Variants in RBFOX1 observed in about 807,000 individuals in gnomAD.
RBFOX1 encodes the protein RNA binding fox-1 homolog 1.
Under a neutral mutation model 57.7 loss-of-function variants are expected in RBFOX1, and 8 were observed. The ratio of observed to expected loss-of-function variants is 0.14; its 90% CI spans 0.08 to 0.25. The LOEUF (loss-of-function observed/expected upper bound fraction) is 0.25. RBFOX1 is among the 10% of genes least tolerant of loss of function. The pLI, the probability that RBFOX1 is intolerant of heterozygous loss-of-function variation, is 1.00. For synonymous variants in RBFOX1, 326 were observed against 222.4 expected, an observed-to-expected ratio of 1.47 and a Z score of -4.15; for missense variants, 611 against 548.5, an observed-to-expected ratio of 1.11 and a Z score of -1.14.
intron 4 of RBFOX1, among the ~76,000 whole-genome samples, chr16:5,996,508 G>A (rs1040389007): frequency 4.6e-5 from 7 of 151,708 alleles, no homozygotes; most frequent in Admixed American, 3.9e-4. Flanking sequence ...GATTAGTGGA[G>A]GTCCTAGGAG....
At chr16:6,810,567 T>C (rs996582141) in intron 3 of RBFOX1, among the ~76,000 whole-genome samples, 9 of 152,138 alleles carry the variant, frequency 5.9e-5, no homozygotes, top group Admixed American at 2.0e-4. Flanking sequence ...AGTTATAGGT[T>C]TGTATTATGA....
chr16:6,377,937 C>T (rs1351337785), intron 2 of RBFOX1, among the ~76,000 whole-genome samples: 2 of 152,162 alleles, frequency 1.3e-5, no homozygotes, highest in African/African-American at 4.8e-5. Flanking sequence ...AAGATGATTC[C>T]TGATCCCAGG....
At chr16:6,844,245 T>A (rs1689909090) in intron 3 of RBFOX1, among the ~76,000 whole-genome samples, 1 of 152,098 alleles carries the variant, frequency 6.6e-6, no homozygotes, top group Non-Finnish European at 1.5e-5. Context: ...ATGTACAGAT[T>A]TGTTACATAG....
chr16:6,606,236 G>C (rs529657792), intron 2 of RBFOX1, among the ~76,000 whole-genome samples: 2 of 152,156 alleles, frequency 1.3e-5, no homozygotes, highest in African/African-American at 4.8e-5. Context: ...ATCCTGTGAA[G>C]TACTACTGCC....
intron 2 of RBFOX1, among the ~76,000 whole-genome samples, chr16:5,505,701 C>A (rs1246400505): frequency 6.6e-6 from 1 of 152,144 alleles, no homozygotes; most frequent in Non-Finnish European, 1.5e-5. Context: ...ACAAAAGATA[C>A]CATCTTACAT....
intron 1 of RBFOX1, among the ~76,000 whole-genome samples, chr16:5,314,802 C>T (rs2064187504): frequency 6.9e-6 from 1 of 145,160 alleles, no homozygotes; most frequent in African/African-American, 2.5e-5. Flanking sequence ...CACCTGGCCT[C>T]ATTTCTTTTA....
chr16:7,329,435 G>C (rs746041452), intron 4 of RBFOX1, among the ~76,000 whole-genome samples: 1 of 152,154 alleles, frequency 6.6e-6, no homozygotes, highest in African/African-American at 2.4e-5. Context: ...AAAGACACAC[G>C]ACATAGTGTC....
At chr16:6,239,708 A>G (rs2097530103) in intron 1 of RBFOX1, among the ~76,000 whole-genome samples, 1 of 152,028 alleles carries the variant, frequency 6.6e-6, no homozygotes, top group Non-Finnish European at 1.5e-5. Flanking sequence ...CATGTTGACC[A>G]GGCTGGTCTT....
intron 4 of RBFOX1, among the ~76,000 whole-genome samples, chr16:5,904,326 C>T (rs2058388036): frequency 6.6e-6 from 1 of 152,040 alleles, no homozygotes; most frequent in African/African-American, 2.4e-5. Context: ...ACAAAGCTTC[C>T]CCTCGACTTT....
At chr16:6,157,006 C>T (rs974679856) in intron 1 of RBFOX1, among the ~76,000 whole-genome samples, 2 of 151,760 alleles carry the variant, frequency 1.3e-5, no homozygotes, top group Non-Finnish European at 2.9e-5. Flanking sequence ...AATTGTTTTT[C>T]GCATTTTTTT....
chr16:6,996,768 G>A (rs984672506), intron 3 of RBFOX1, among the ~76,000 whole-genome samples: 3 of 152,114 alleles, frequency 2.0e-5, no homozygotes. Flanking sequence ...ATGTCAGATA[G>A]AGGGATTTAA....
intron 2 of RBFOX1, among the ~76,000 whole-genome samples, chr16:6,643,490 CT>C (rs1312015999): frequency 1.3e-5 from 2 of 152,112 alleles, no homozygotes; most frequent in Non-Finnish European, 2.9e-5. Context: ...AAGAATTCTG[CT>C]GAAAGGCAAG....
chr16:5,988,089 T>C (rs928451146), intron 4 of RBFOX1, among the ~76,000 whole-genome samples: 1 of 152,208 alleles, frequency 6.6e-6, no homozygotes, highest in Non-Finnish European at 1.5e-5. Flanking sequence ...CCCGACATCA[T>C]GGCAGAAAAT....
chr16:7,697,813 C>T (rs1291331236), intron 14 of RBFOX1, among the ~76,000 whole-genome samples: 1 of 152,176 alleles, frequency 6.6e-6, no homozygotes, highest in African/African-American at 2.4e-5. Context: ...TCCTATGAAA[C>T]TAGTATTTTG....
chr16:7,333,866 G>A (rs1362821550), intron 4 of RBFOX1, among the ~76,000 whole-genome samples: 2 of 152,016 alleles, frequency 1.3e-5, no homozygotes, highest in Non-Finnish European at 2.9e-5. Context: ...ATCTACTAGC[G>A]ATAGAACCCA....
At chr16:5,252,196 G>T (rs1356430972) in intron 1 of RBFOX1, among the ~76,000 whole-genome samples, 1 of 152,204 alleles carries the variant, frequency 6.6e-6, no homozygotes, top group Admixed American at 6.5e-5. Context: ...ACTCTCTAAG[G>T]CATATGGGTT....
chr16:7,131,756 G>T (rs1443740464), intron 4 of RBFOX1, among the ~76,000 whole-genome samples: 1 of 152,022 alleles, frequency 6.6e-6, no homozygotes, highest in Non-Finnish European at 1.5e-5. Context: ...GGCCACTCAG[G>T]TTCTCTGAAG....
rs550350823 is a variant in RBFOX1 at position 6,393,258 on chromosome 16, T to C, written c.-64+76201T>C. ...TTAAATGACTCTGAGCATCCAGTCA[T>C]TAGGGTTTTAAGAAACTCAATCACA... On this transcript the variant is annotated intron_variant, in intron 2 of 15. Coordinates refer to ENST00000550418, the MANE Select transcript of RBFOX1 (RefSeq NM_018723.4). Among the ~76,000 whole-genome samples, 11 of 152,322 alleles carry C rather than the reference T, an allele frequency of 7.2e-5. No individual in the cohort carries two copies. In the East Asian group the frequency reaches 2.1e-3, roughly 29 times the overall value.
chr16:6,385,252 T>C (rs2092168931), intron 2 of RBFOX1, among the ~76,000 whole-genome samples: 1 of 152,254 alleles, frequency 6.6e-6, no homozygotes, highest in South Asian at 2.1e-4. Context: ...GTATGCATAG[T>C]TAAGGACGTA....
Sources: allele counts gnomAD v4.1 joint callset (sites outside exome capture counted in the v4.1 genomes callset), GRCh38; gene constraint gnomAD v4.1.1; transcripts MANE v1.5; gene names NCBI Gene and HGNC (gene_info 2026-07-23, HGNC 2026-07-21).